Variants in TEX10 observed in about 807,000 individuals in gnomAD.
TEX10 encodes the protein testis expressed 10, also known as testis-expressed protein 10.
A neutral mutation model predicts 104.4 loss-of-function variants in TEX10; 24 were observed. That is an observed-to-expected ratio of 0.23 (90% CI 0.17 to 0.32). The LOEUF (loss-of-function observed/expected upper bound fraction) is 0.32, where lower values mean the gene tolerates loss of function less well. Among genes scored for constraint, TEX10 ranks in the 10% least tolerant of loss-of-function variants. TEX10 has a pLI of 1.00. For synonymous variants in TEX10, 396 were observed against 393.4 expected (o/e 1.01, Z -0.08); for missense variants, 921 against 1,083.9 (o/e 0.85, Z 2.11).
At chr9:100,322,499 C>T (rs1336787907) in intron 9 of TEX10, among the ~76,000 whole-genome samples, 1 of 152,112 alleles carries the variant, frequency 6.6e-6, no homozygotes. Flanking sequence ...CAAACTTATA[C>T]TAAAAATTTT....
intron 11 of TEX10, among the ~76,000 whole-genome samples, chr9:100,316,512 G>A (rs1267302370): frequency 6.6e-6 from 1 of 151,964 alleles, no homozygotes; most frequent in Non-Finnish European, 1.5e-5. Flanking sequence ...AACATAGTAC[G>A]GGACGTCCTA....
intron 11 of TEX10, among the ~76,000 whole-genome samples, chr9:100,315,647 C>T (rs1834397125): frequency 6.6e-6 from 1 of 152,064 alleles, no homozygotes; most frequent in African/African-American, 2.4e-5. Flanking sequence ...CTCTCTAATC[C>T]CAGCTTTCAG....
chr9:100,352,596 A>C (rs1310955528), intron 1 of TEX10, 176 bp downstream of exon 1: 1 of 1,496,968 alleles, frequency 6.7e-7, no homozygotes, highest in African/African-American at 1.4e-5. Context: ...CCGCCCCCGC[A>C]GTGCCGGCCG....
chr9:100,322,255 T>C (rs911349675), intron 9 of TEX10, among the ~76,000 whole-genome samples: 1 of 152,250 alleles, frequency 6.6e-6, no homozygotes, highest in Non-Finnish European at 1.5e-5. Context: ...CTATGTGTTC[T>C]TATTCTTAGT....
intron 11 of TEX10, among the ~76,000 whole-genome samples, chr9:100,314,791 TG>T (rs1834373491): frequency 1.3e-5 from 2 of 152,210 alleles, no homozygotes; most frequent in Non-Finnish European, 2.9e-5. Context: ...TCTAGTTCCC[TG>T]AAGTGCAACG....
rs1834456647 is a variant in TEX10 at position 100,317,672 on chromosome 9, T to C, written c.2202+2593A>G. 2.6e-5 allele frequency among the ~76,000 whole-genome samples: 4 copies of C among 151,340 alleles called. No individual in the cohort carries two copies. In the South Asian group the frequency reaches 8.3e-4, roughly 32 times the overall value. On this transcript the variant is annotated intron_variant, in intron 11 of 14. Transcript: ENST00000374902. ...ACTAAAAAATTTCTACACAGAAAAA[T>C]AACTACCTAAGCAAACAGAAAACCT...
intron 1 of TEX10, among the ~76,000 whole-genome samples, 153 bp from the exon 2 acceptor site, chr9:100,349,525 TAAG>T (rs1042596594): frequency 4.6e-5 from 7 of 152,212 alleles, no homozygotes; most frequent in Admixed American, 3.9e-4. Flanking sequence ...AAAATGCTGT[TAAG>T]AACTATTAAA....
At chr9:100,310,142 A>G (rs1226743011) in intron 12 of TEX10, among the ~76,000 whole-genome samples, 157 bp downstream of exon 12, 1 of 152,218 alleles carries the variant, frequency 6.6e-6, no homozygotes, top group Non-Finnish European at 1.5e-5. Flanking sequence ...AAAAATACCA[A>G]GATTCCTCAG....
chr9:100,342,339 C>A (rs1394431254), intron 4 of TEX10, among the ~76,000 whole-genome samples: 1 of 152,152 alleles, frequency 6.6e-6, no homozygotes, highest in Non-Finnish European at 1.5e-5. Flanking sequence ...TGTTTACTGT[C>A]TATAGATCCC....
Position 100,346,319 on chromosome 9 carries a change from A to G in TEX10, c.894-4T>C. 2 of 1,605,658 alleles carry G rather than the reference A, an allele frequency of 1.2e-6. No homozygotes were observed. The highest frequency in any genetic ancestry group is 2.2e-5 in the South Asian group (2 of 89,372). On this transcript the variant is annotated splice_region_variant and splice_polypyrimidine_tract_variant and intron_variant, in intron 3 of 14. Coordinates refer to ENST00000374902, the MANE Select transcript of TEX10 (RefSeq NM_017746.4). ...ACTCAGTCCTCCAACCAGATACCTA[A>G]TAAGGGTAAGAAAGAAAAAAATTAA...
Position 100,349,328 on chromosome 9 carries a change from T to C in TEX10, c.36A>G (p.Gln12=), listed in dbSNP as rs1324549549. The C allele has an allele frequency of 4.4e-6, 7 of 1,594,828 alleles. No homozygotes were observed. The East Asian group carries it at 1.6e-4, about 36-fold the overall frequency. The change falls in exon 2 of 15, where the codon CAA becomes CAG. Residue 12 remains glutamine (Q), a synonymous_variant. Transcript: ENST00000374902. The part of the protein sequence containing the change: ...TKKRKRQHDF[Q]KVKLKVGKKK... ...TTTTACCAACTTTCAATTTTACTTT[T>C]TGAAAATCATGTTGGCGTTTTCTTT...
At chr9:100,344,634 CAGG>C (rs1310290289) in intron 4 of TEX10, among the ~76,000 whole-genome samples, 1 of 152,184 alleles carries the variant, frequency 6.6e-6, no homozygotes, top group Non-Finnish European at 1.5e-5. Flanking sequence ...CACCTGAGGT[CAGG>C]AGTTCAAAAC....
intron 5 of TEX10, among the ~76,000 whole-genome samples, chr9:100,335,062 A>G (rs540007539): frequency 1.6e-4 from 25 of 152,112 alleles, no homozygotes; most frequent in Non-Finnish European, 2.8e-4. Flanking sequence ...AATCTAGTCC[A>G]TTCCAGGAAA....
intron 13 of TEX10, chr9:100,306,462 G>C (rs573290978): frequency 1.3e-5 from 2 of 152,328 alleles, no homozygotes; most frequent in East Asian, 1.9e-4. Flanking sequence ...AGAGGGCTCA[G>C]ACTAACAGCA....
intron 4 of TEX10, among the ~76,000 whole-genome samples, chr9:100,341,909 AG>A (rs1835183875): frequency 2.6e-5 from 4 of 152,176 alleles, no homozygotes; most frequent in South Asian, 4.1e-4. Flanking sequence ...AATATAATGC[AG>A]ATCATGCCAC....
intron 7 of TEX10, 66 bp downstream of exon 7, chr9:100,329,074 T>G: frequency 7.0e-7 from 1 of 1,433,272 alleles, no homozygotes; most frequent in South Asian, 1.4e-5. Context: ...CTAAAATTAT[T>G]TAAATACTTA....
intron 2 of TEX10, among the ~76,000 whole-genome samples, chr9:100,348,431 A>G (rs1835355689): frequency 1.3e-5 from 2 of 152,250 alleles, no homozygotes; most frequent in African/African-American, 2.4e-5. Context: ...TTATATCTCC[A>G]TAAAGCTGTT....
At chr9:100,334,937 T>A (rs1834970855) in intron 5 of TEX10, among the ~76,000 whole-genome samples, 1 of 152,198 alleles carries the variant, frequency 6.6e-6, no homozygotes, top group Non-Finnish European at 1.5e-5. Context: ...AGTGCTGGGA[T>A]TACAGGCGTG....
intron 4 of TEX10, among the ~76,000 whole-genome samples, chr9:100,345,278 T>C (rs528870896): frequency 2.0e-5 from 3 of 152,334 alleles, no homozygotes; most frequent in Non-Finnish European, 4.4e-5. Context: ...TACAACTCTA[T>C]AATGCTTTTC....
Sources: gnomAD v4.1 joint callset for allele counts (sites outside exome capture counted in the v4.1 genomes callset) on GRCh38, gnomAD v4.1.1 for gene constraint, MANE v1.5 for transcripts, NCBI Gene and HGNC (gene_info 2026-07-23, HGNC 2026-07-21) for gene names.